The following AZI2 variants were observed in gnomAD, a reference collection of about 807,000 sequenced individuals.
The protein encoded by AZI2 is 5-azacytidine induced 2.
AZI2 carries 22 observed loss-of-function variants against 45.8 expected under a neutral mutation model. That is an observed-to-expected ratio of 0.48 (90% CI 0.34 to 0.69). The LOEUF is 0.69. Among genes scored for constraint, AZI2 ranks in the 30% least tolerant of loss-of-function variants. The pLI, the probability that AZI2 is intolerant of heterozygous loss-of-function variation, is 0.01. For missense variants in AZI2, 417 were observed against 441.5 expected (o/e 0.94, Z 0.50); for synonymous variants, 137 against 156.7 (o/e 0.87, Z 0.94).
Position 28,324,196 on chromosome 3 carries a change from T to C in AZI2, c.1025A>G (p.Asn342Ser), listed in dbSNP as rs1277691847. The C allele has an allele frequency of 1.2e-6, 2 of 1,610,664 alleles. No individual in the cohort carries two copies. The highest frequency in any genetic ancestry group is 2.7e-5 in the African/African-American group (2 of 74,622). ...TACCCAGGAATTGTCTTCCAGAGAA[T>C]TTCTGCCATAAGAACTGTGTTCCTG... is the stretch of plus-strand genomic sequence containing the variant. The part of the protein sequence containing the change: ...CFQEHSSYGR[N>S]SLEDNSWVFP... The change falls in exon 8 of 8, where the codon AAT becomes AGT. Residue 342 changes from asparagine to serine, a missense_variant. Coordinates refer to ENST00000479665, the MANE Select transcript of AZI2 (RefSeq NM_022461.5).
chr3:28,324,092 G>A lies in AZI2; in HGVS notation c.1129C>T (p.Pro377Ser). The change falls in exon 8 of 8, where the codon CCA (proline) becomes TCA (serine). Residue 377 changes from proline to serine, a missense_variant. By Grantham distance (74) the Pro-to-Ser change is moderately conservative. Coordinates refer to ENST00000479665, the MANE Select transcript of AZI2 (RefSeq NM_022461.5). ...TKTLPLPNLP[P>S]LHYLDQHNQN... ...TTATGTTGATCCAAGTAATGCAGTG[G>A]TGGAAGGTTGGGTAAAGGCAAAGTT... 1 of 1,610,042 alleles carries A rather than the reference G, an allele frequency of 6.2e-7. No homozygotes were observed. Among genetic ancestry groups the A allele is most frequent in the Non-Finnish European group, 8.5e-7 (1 of 1,177,250 alleles).
intron 6 of AZI2, among the ~76,000 whole-genome samples, chr3:28,328,895 G>A (rs1404138484): frequency 6.6e-6 from 1 of 151,064 alleles, no homozygotes; most frequent in African/African-American, 2.4e-5. Context: ...AATGATATTG[G>A]AAAAGGCAAG....
Position 28,336,729 on chromosome 3 carries a change from T to C in AZI2, c.588+8A>G. 1.2e-6 allele frequency: 2 copies of C among 1,610,832 alleles called. No individual in the cohort carries two copies. Among genetic ancestry groups the C allele is most frequent in the Non-Finnish European group, 1.7e-6 (2 of 1,177,948 alleles). On this transcript the variant is annotated splice_region_variant and intron_variant, in intron 5 of 7. Coordinates refer to ENST00000479665, the MANE Select transcript of AZI2 (RefSeq NM_022461.5). ...ACTGAAATTCTCAATTTAATAATTC[T>C]GTAATACCGTTTGTTTGGCTTTCTG...
intron 6 of AZI2, among the ~76,000 whole-genome samples, chr3:28,328,390 CAT>C (rs1330146924): frequency 6.6e-5 from 10 of 151,184 alleles, no homozygotes; most frequent in East Asian, 1.9e-4. Flanking sequence ...AAACACTGAA[CAT>C]GTGCTAATTC....
chr3:28,324,559 G>C, intron 7 of AZI2, 105 bp from the exon 8 acceptor site: 1 of 1,084,480 alleles, frequency 9.2e-7, no homozygotes, highest in Non-Finnish European at 1.2e-6. Flanking sequence ...ATGAAATTAA[G>C]ATTTCCAAGT....
intron 2 of AZI2, among the ~76,000 whole-genome samples, chr3:28,339,027 C>T (rs1292476549): frequency 6.6e-6 from 1 of 151,222 alleles, no homozygotes; most frequent in African/African-American, 2.4e-5. Flanking sequence ...ATCACCCAGG[C>T]TGGAGTGCAA....
chr3:28,337,003 T>G, intron 4 of AZI2, 118 bp from the exon 5 acceptor site: 1 of 975,002 alleles, frequency 1.0e-6, no homozygotes, highest in Non-Finnish European at 1.5e-6. Context: ...AAAACATATA[T>G]GATCAATAGT....
chr3:28,327,059 A>G, intron 6 of AZI2, 109 bp from the exon 7 acceptor site: 1 of 741,710 alleles, frequency 1.3e-6, no homozygotes, highest in Non-Finnish European at 2.2e-6. Context: ...TAGTTTTGAG[A>G]TGATGTAAAC....
intron 1 of AZI2, among the ~76,000 whole-genome samples, chr3:28,344,240 T>G (rs1447737994): frequency 6.6e-6 from 1 of 152,026 alleles, no homozygotes; most frequent in Non-Finnish European, 1.5e-5. Flanking sequence ...ATTAAAATTT[T>G]AATTACTATC....
intron 6 of AZI2, among the ~76,000 whole-genome samples, chr3:28,328,055 A>G (rs1703446279): frequency 6.6e-6 from 1 of 150,474 alleles, no homozygotes; most frequent in South Asian, 2.1e-4. Flanking sequence ...AATATTTTGA[A>G]TTCTGTAAGG....
Position 28,326,839 on chromosome 3 carries a change from G to T in AZI2, c.759C>A (p.Ile253=), listed in dbSNP as rs778549473. ...LLRKLKTSTA[I]KKACAPVGCS... is the part of the protein sequence containing the mutation. ...CGGTAAACAGTGACTTGCCTTTCTT[G>T]ATTGCAGTTGAGGTTTTCAGTTTTC... Residue 253 remains isoleucine, a synonymous_variant, in exon 7 of 8, where the codon ATC becomes ATA. Coordinates refer to ENST00000479665, the MANE Select transcript of AZI2 (RefSeq NM_022461.5). 6.2e-7 allele frequency: 1 copy of T among 1,604,928 alleles called. No homozygotes were observed. The highest frequency in any genetic ancestry group is 1.3e-5 in the African/African-American group (1 of 74,420).
intron 1 of AZI2, chr3:28,341,675 T>C (rs1453920720): frequency 1.3e-5 from 2 of 152,090 alleles, no homozygotes; most frequent in African/African-American, 4.8e-5. Context: ...AGAGGGACTT[T>C]AGACCATGCA....
chr3:28,340,989 TCTC>T (rs1275404575), intron 1 of AZI2, among the ~76,000 whole-genome samples: 1 of 152,038 alleles, frequency 6.6e-6, no homozygotes, highest in Non-Finnish European at 1.5e-5. Context: ...AAATATATCT[TCTC>T]CTAACATTTC....
Position 28,322,055 on chromosome 3 carries a change from C to T in AZI2, c.*1987G>A, listed in dbSNP as rs191659098. On this transcript the variant is annotated 3_prime_UTR_variant, in exon 8 of 8. Coordinates refer to ENST00000479665, the MANE Select transcript of AZI2 (RefSeq NM_022461.5). ...CTGTTTTTTGGTTGTTTGAATTTTA[C>T]CTAGAACAGAGATATCAAGTGTAGA... 1.2e-3 allele frequency: 177 copies of T among 151,320 alleles called. 1 individual carries two copies. The highest frequency in any genetic ancestry group is 4.0e-3 in the African/African-American group (164 of 41,428). 9.4% of individuals were successfully genotyped at this position (151,320 alleles called of 1,614,324 possible). A position where few individuals can be genotyped will look rare whatever the true frequency, so the allele number is the denominator to read the frequency against.
intron 5 of AZI2, among the ~76,000 whole-genome samples, chr3:28,334,340 C>T (rs986646768): frequency 6.6e-6 from 1 of 151,780 alleles, no homozygotes; most frequent in African/African-American, 2.4e-5. Flanking sequence ...CTCTCAGATT[C>T]CTGTCTCCAA....
At chr3:28,325,225 C>T (rs1428899292) in intron 7 of AZI2, 2 of 150,432 alleles carry the variant, frequency 1.3e-5, no homozygotes, top group Non-Finnish European at 3.0e-5. Flanking sequence ...ACAGCCAGCA[C>T]ATTGGTAATA....
intron 6 of AZI2, chr3:28,331,929 T>C (rs932644698): frequency 1.3e-6 from 2 of 1,544,952 alleles, no homozygotes; most frequent in East Asian, 2.5e-5. Context: ...GCCACTGCAC[T>C]CCAGGCTGTG....
In AZI2 at chr3:28,322,427, TATCTC is replaced by T. The variant is rs973673252; in HGVS notation, c.*1610_*1614del. On this transcript the variant is annotated 3_prime_UTR_variant, in exon 8 of 8. Coordinates refer to ENST00000479665, the MANE Select transcript of AZI2 (RefSeq NM_022461.5). ...TTGTTCAAAACATTAATCAAGCAATTATCTCATAAGACTTTTTTTCTTTACAAAGG... is the reference window on the plus strand; with the variant it reads ...TTGTTCAAAACATTAATCAAGCAATTATAAGACTTTTTTTCTTTACAAAGG... The T allele has an allele frequency of 4.6e-5, 7 of 151,814 alleles. No homozygotes were observed. The highest frequency in any genetic ancestry group is 1.4e-4 in the African/African-American group (6 of 41,454). The allele number at this position is 151,814 out of a possible 1,614,324, so 9.4% of individuals were successfully genotyped here.
chr3:28,333,480 C>G (rs981423111), intron 5 of AZI2, among the ~76,000 whole-genome samples: 1 of 151,414 alleles, frequency 6.6e-6, no homozygotes, highest in Non-Finnish European at 1.5e-5. Flanking sequence ...GATCAGATCA[C>G]TTTTAGTATC....
Sources: allele counts gnomAD v4.1 joint callset (sites outside exome capture counted in the v4.1 genomes callset), GRCh38; gene constraint gnomAD v4.1.1; transcripts MANE v1.5; gene names NCBI Gene and HGNC (gene_info 2026-07-23, HGNC 2026-07-21).